The following DAB1 variants were observed in gnomAD, a reference collection of about 807,000 sequenced individuals.
The protein encoded by DAB1 is DAB adaptor protein 1.
DAB1 carries 15 observed loss-of-function variants against 64.6 expected under a neutral mutation model. The observed-to-expected ratio is 0.23, with a 90% confidence interval of 0.16 to 0.36. The LOEUF is 0.36. Ranked by LOEUF, DAB1 falls within the 10% of genes least tolerant of loss-of-function variation. The pLI is 1.00. For missense variants in DAB1, 596 were observed against 706.7 expected (o/e 0.84, Z 1.78); for synonymous variants, 235 against 251.9 (o/e 0.93, Z 0.64).
At position 58,146,977 on chromosome 1, in the gene DAB1, C is replaced by T. The variant is rs549465491; in HGVS notation, n.387+3534G>A. On this transcript the variant is annotated intron_variant and non_coding_transcript_variant, in intron 5 of 20. Coordinates refer to the DAB1 transcript ENST00000485760. ...AAGTGTTGACAAGGATGTAGAGAGACGGGAACCCTTGTATGCTGTTGGTGG... is the reference window on the plus strand; with the variant it reads ...AAGTGTTGACAAGGATGTAGAGAGATGGGAACCCTTGTATGCTGTTGGTGG... 9.2e-5 allele frequency among the ~76,000 whole-genome samples: 14 copies of T among 152,106 alleles called. No homozygotes were observed. In the South Asian group the frequency reaches 1.7e-3, roughly 18 times the overall value.
chr1:58,137,669 C>T (rs1654025263), intron 5 of DAB1, among the ~76,000 whole-genome samples: 1 of 152,230 alleles, frequency 6.6e-6, no homozygotes, highest in Non-Finnish European at 1.5e-5. Context: ...CAAGTGTCTA[C>T]TCCAAGCCAA....
intron 5 of DAB1, among the ~76,000 whole-genome samples, chr1:57,931,970 CAT>C (rs1483491398): frequency 1.3e-5 from 2 of 152,086 alleles, no homozygotes; most frequent in Non-Finnish European, 2.9e-5. Context: ...TCTTTTCTAA[CAT>C]ATGCATTCAA....
At chr1:57,913,867 G>A (rs1295239871) in intron 5 of DAB1, among the ~76,000 whole-genome samples, 3 of 152,218 alleles carry the variant, frequency 2.0e-5, no homozygotes, top group African/African-American at 4.8e-5. Context: ...CTGGCCATCA[G>A]AGAAATGCAA....
chr1:57,944,118 T>C (rs1645146063), intron 5 of DAB1, among the ~76,000 whole-genome samples: 1 of 152,142 alleles, frequency 6.6e-6, no homozygotes, highest in Admixed American at 6.5e-5. Flanking sequence ...CACTCAGAGT[T>C]CTTCATAATC....
intron 7 of DAB1, among the ~76,000 whole-genome samples, chr1:57,522,843 G>T (rs1644545048): frequency 6.6e-6 from 1 of 152,194 alleles, no homozygotes; most frequent in Admixed American, 6.5e-5. Flanking sequence ...GACTAGATTG[G>T]CTGAGTCTTC....
chr1:58,135,358 G>A (rs1653883296), intron 5 of DAB1, among the ~76,000 whole-genome samples: 1 of 152,104 alleles, frequency 6.6e-6, no homozygotes, highest in African/African-American at 2.4e-5. Flanking sequence ...GAGAAACATG[G>A]AATAACAAAG....
intron 5 of DAB1, among the ~76,000 whole-genome samples, chr1:57,962,458 C>A (rs915464422): frequency 6.6e-6 from 1 of 152,062 alleles, no homozygotes; most frequent in African/African-American, 2.4e-5. Flanking sequence ...ATCATCTCAC[C>A]ACTTAGAAAA....
At chr1:57,007,935 C>A (rs745678213) in intron 14 of DAB1, among the ~76,000 whole-genome samples, 1 of 152,226 alleles carries the variant, frequency 6.6e-6, no homozygotes, top group Non-Finnish European at 1.5e-5. Flanking sequence ...TCTTGTGCTG[C>A]TGTCGATGGA....
chr1:57,913,503 A>C (rs375805419), intron 5 of DAB1, among the ~76,000 whole-genome samples: 18 of 152,270 alleles, frequency 1.2e-4, no homozygotes, highest in African/African-American at 4.3e-4. Flanking sequence ...AGAAGGAAAC[A>C]TAGGCAATAC....
At chr1:57,796,563 C>A (rs573414410) in intron 6 of DAB1, among the ~76,000 whole-genome samples, 2,526 of 133,624 alleles carry the variant, frequency 0.019, 66 homozygotes, top group African/African-American at 0.093. Context: ...TAATAATAAT[C>A]ATAATCATAA....
At chr1:58,367,883 T>C (rs1330261528) in intron 3 of DAB1, among the ~76,000 whole-genome samples, 1 of 152,202 alleles carries the variant, frequency 6.6e-6, no homozygotes, top group African/African-American at 2.4e-5. Flanking sequence ...AATGGCTCTT[T>C]AAGGCACAAC....
intron 6 of DAB1, among the ~76,000 whole-genome samples, chr1:57,694,362 A>G (rs1410666698): frequency 6.6e-6 from 1 of 152,136 alleles, no homozygotes; most frequent in East Asian, 1.9e-4. Flanking sequence ...GGGACAGAAA[A>G]TGGATGTGTA....
chr1:58,309,723 AATG>A (rs1197108316), intron 4 of DAB1, among the ~76,000 whole-genome samples: 1 of 152,098 alleles, frequency 6.6e-6, no homozygotes, highest in Non-Finnish European at 1.5e-5. Flanking sequence ...TCCCAATAAT[AATG>A]AAGACCCTGA....
chr1:58,445,969 G>C (rs1020085495), intron 3 of DAB1, among the ~76,000 whole-genome samples: 3 of 152,072 alleles, frequency 2.0e-5, no homozygotes, highest in African/African-American at 7.2e-5. Context: ...TGGTCTATTA[G>C]GGTAAGCAAC....
intron 1 of DAB1, among the ~76,000 whole-genome samples, chr1:57,846,821 GCACA>G (rs150089653): frequency 6.6e-6 from 1 of 151,816 alleles, no homozygotes; most frequent in Non-Finnish European, 1.5e-5. Flanking sequence ...GCACGTGCGT[GCACA>G]CACACACACA....
At chr1:57,716,370 G>A (rs2101751869) in intron 6 of DAB1, among the ~76,000 whole-genome samples, 1 of 152,276 alleles carries the variant, frequency 6.6e-6, no homozygotes, top group East Asian at 1.9e-4. Context: ...AAAATAGCAA[G>A]CTATTGGCAT....
At chr1:58,078,916 T>C (rs1351336147) in intron 5 of DAB1, among the ~76,000 whole-genome samples, 4 of 152,152 alleles carry the variant, frequency 2.6e-5, no homozygotes, top group Non-Finnish European at 4.4e-5. Flanking sequence ...AAGTGAGACA[T>C]TGACTTTACA....
chr1:57,898,941 A>G (rs1377482142), intron 5 of DAB1, among the ~76,000 whole-genome samples: 1 of 152,038 alleles, frequency 6.6e-6, no homozygotes, highest in Non-Finnish European at 1.5e-5. Context: ...ATTCCTTGCC[A>G]TTTAGGGGTA....
chr1:58,244,252 T>C (rs1660431804), intron 4 of DAB1, among the ~76,000 whole-genome samples: 1 of 152,174 alleles, frequency 6.6e-6, no homozygotes, highest in South Asian at 2.1e-4. Context: ...GCATCAGCAA[T>C]AACAATGACG....
Sources: allele counts gnomAD v4.1 joint callset (sites outside exome capture counted in the v4.1 genomes callset), GRCh38; gene constraint gnomAD v4.1.1; transcripts MANE v1.5; gene names NCBI Gene and HGNC (gene_info 2026-07-23, HGNC 2026-07-21).